The following MAP4 variants were observed in gnomAD, a reference collection of about 807,000 sequenced individuals.
The protein encoded by MAP4 is microtubule associated protein 4.
MAP4 carries 76 observed loss-of-function variants against 170.2 expected under a neutral mutation model. The observed-to-expected ratio is 0.45, with a 90% confidence interval of 0.37 to 0.54. MAP4 has a LOEUF of 0.54. MAP4 is among the 20% of genes least tolerant of loss of function. The pLI, the probability that MAP4 is intolerant of heterozygous loss-of-function variation, is 0.00. For synonymous variants in MAP4, 909 were observed against 994.5 expected (o/e 0.91, Z 1.62); for missense variants, 2,506 against 2,748.0 (o/e 0.91, Z 1.97).
intron 1 of MAP4, among the ~76,000 whole-genome samples, chr3:48,053,230 TA>T (rs957404361): frequency 2.6e-5 from 4 of 152,206 alleles, no homozygotes; most frequent in African/African-American, 7.2e-5. Context: ...CTATGAAATC[TA>T]AATTTCCCAA....
chr3:48,073,381 C>T (rs1053838517), intron 1 of MAP4, among the ~76,000 whole-genome samples: 2 of 150,386 alleles, frequency 1.3e-5, no homozygotes, highest in Non-Finnish European at 3.0e-5. Flanking sequence ...GAAGCTGAGG[C>T]GGGTGGGATC....
intron 3 of MAP4, among the ~76,000 whole-genome samples, chr3:47,930,685 T>C (rs2100049218): frequency 6.6e-6 from 1 of 151,976 alleles, no homozygotes; most frequent in Admixed American, 6.6e-5. Flanking sequence ...TCCCAGCACT[T>C]TGGGAGGCCA....
intron 1 of MAP4, among the ~76,000 whole-genome samples, chr3:48,062,940 G>C (rs796252008): frequency 1.4e-3 from 204 of 147,246 alleles, no homozygotes; most frequent in African/African-American, 4.7e-3. Flanking sequence ...AAAAAAAAAA[G>C]AAAGAAAATG....
chr3:47,877,328 A>C, intron 11 of MAP4, 89 bp downstream of exon 11: 3 of 1,013,116 alleles, frequency 3.0e-6, no homozygotes, highest in Non-Finnish European at 4.6e-6. Flanking sequence ...AGAAAAAAGA[A>C]ATTTCATTCG....
rs749170019 is a variant in MAP4, at chr3:47,914,918, T to A, written c.1898A>T (p.Lys633Ile). The stretch of plus-strand genomic sequence containing the variant: ...CTCCTCGGCCGGCAAGCTGCACTTT[T>A]TCCCCGTTCCTGTGACGGTTTCTAA... ...ISPETVTGTG[K>I]KCSLPAEEDS... The change falls in exon 8 of 21, where the codon AAA (lysine) becomes ATA (isoleucine). Residue 633 changes from lysine to isoleucine, a missense_variant. Lys to Ile is a moderately radical substitution (Grantham distance 102). Around this residue, in one of 3 missense-constraint regions of MAP4, gnomAD observed 2,008 missense variants for 2,206.0 expected, o/e 0.91. Transcript: ENST00000683076. The A allele has an allele frequency of 1.6e-5, 26 of 1,614,114 alleles. No individual in the cohort carries two copies. The highest frequency in any genetic ancestry group is 2.2e-5 in the Non-Finnish European group (26 of 1,180,014).
intron 10 of MAP4, among the ~76,000 whole-genome samples, chr3:47,878,101 T>C (rs559878825): frequency 5.3e-5 from 8 of 152,272 alleles, no homozygotes; most frequent in Admixed American, 3.3e-4. Flanking sequence ...TAAGGCAACA[T>C]AGCCTCCTCT....
chr3:48,083,229 T>C (rs1457497963), intron 1 of MAP4, among the ~76,000 whole-genome samples: 2 of 152,190 alleles, frequency 1.3e-5, no homozygotes, highest in East Asian at 3.8e-4. Flanking sequence ...ATATAAAATG[T>C]TAACGCTAAG....
At chr3:47,895,839 C>A (rs547477635) in intron 10 of MAP4, among the ~76,000 whole-genome samples, 1 of 152,346 alleles carries the variant, frequency 6.6e-6, no homozygotes, top group South Asian at 2.1e-4. Flanking sequence ...TGAAGCTAGT[C>A]AGGCACAAAG....
intron 2 of MAP4, among the ~76,000 whole-genome samples, chr3:47,989,822 G>T (rs1291375141): frequency 6.6e-6 from 1 of 152,066 alleles, no homozygotes; most frequent in East Asian, 1.9e-4. Flanking sequence ...TTTTCTCACT[G>T]ACTGACTTCC....
At chr3:47,934,914 GATCACCACC>G (rs2100051856) in intron 3 of MAP4, among the ~76,000 whole-genome samples, 1 of 152,202 alleles carries the variant, frequency 6.6e-6, no homozygotes, top group Non-Finnish European at 1.5e-5. Flanking sequence ...ATGGAACTTA[GATCACCACC>G]ATCACCACCC....
intron 3 of MAP4, among the ~76,000 whole-genome samples, chr3:47,955,939 A>G (rs1284496915): frequency 6.6e-6 from 1 of 152,224 alleles, no homozygotes; most frequent in Admixed American, 6.5e-5. Flanking sequence ...TAAGAGAATC[A>G]CTGCCCAGAC....
intron 7 of MAP4, among the ~76,000 whole-genome samples, chr3:47,915,637 A>G (rs1483709973): frequency 6.6e-6 from 1 of 152,222 alleles, no homozygotes; most frequent in Non-Finnish European, 1.5e-5. Context: ...GGGAACTTTC[A>G]TAAGCAGAGA....
chr3:48,074,723 T>TGTGTGTGTGTGTGTGTGTGTGA (rs1559906380), intron 1 of MAP4, among the ~76,000 whole-genome samples: 4 of 149,196 alleles, frequency 2.7e-5, no homozygotes, highest in African/African-American at 7.4e-5. Context: ...TGTGTGTGTG[T>TGTGTGTGTGTGTGTGTGTGTGA]GTGATATGTC....
At chr3:47,853,488 G>C in intron 19 of MAP4, 136 bp from the exon 20 acceptor site, 1 of 661,194 alleles carries the variant, frequency 1.5e-6, no homozygotes, top group South Asian at 2.0e-5. Context: ...CAGTCGCTTG[G>C]AGAATCCCAG....
intron 2 of MAP4, chr3:47,987,308 A>G: frequency 5.3e-6 from 6 of 1,130,128 alleles, no homozygotes; most frequent in Non-Finnish European, 7.5e-6. Flanking sequence ...TAAGTGTAAG[A>G]TAACAAATAG....
Position 47,977,926 on chromosome 3 carries a change from T to C in MAP4, c.231A>G (p.Pro77=). 1 of 1,609,936 alleles carries C rather than the reference T, an allele frequency of 6.2e-7. No individual in the cohort carries two copies. ...CSETSQIEDT[P]SSKPTLLANG... ...TGGCTAGGAGTGTTGGTTTAGAAGA[T>C]GGAGTATCTGCAACAATGACAAATA... is the stretch of plus-strand genomic sequence containing the variant. The change falls in exon 3 of 21, where the codon CCA becomes CCG. Residue 77 remains proline, a synonymous_variant. Transcript: ENST00000683076.
intron 20 of MAP4, 60 bp downstream of exon 20, chr3:47,853,103 T>C: frequency 6.2e-7 from 1 of 1,613,792 alleles, no homozygotes; most frequent in East Asian, 2.2e-5. Flanking sequence ...CAAAGGAGTT[T>C]CAATTTGCGG....
chr3:47,946,451 C>G (rs897758912), intron 3 of MAP4, among the ~76,000 whole-genome samples: 19 of 150,582 alleles, frequency 1.3e-4, no homozygotes, highest in African/African-American at 4.1e-4. Context: ...GTCAGGAGTT[C>G]AAGACCAGCC....
At chr3:48,035,838 G>C (rs182503056) in intron 1 of MAP4, among the ~76,000 whole-genome samples, 1 of 152,150 alleles carries the variant, frequency 6.6e-6, no homozygotes, top group African/African-American at 2.4e-5. Context: ...TACTCGGGAG[G>C]CTGAGGCATG....
Sources: gnomAD v4.1 joint callset for allele counts (sites outside exome capture counted in the v4.1 genomes callset) on GRCh38, gnomAD v4.1.1 for gene constraint, gnomAD v4.1.1 regional missense constraint, MANE v1.5 for transcripts, NCBI Gene and HGNC (gene_info 2026-07-23, HGNC 2026-07-21) for gene names.